FYB1: variants seen among roughly 807,000 people sequenced by gnomAD.
FYB1 encodes FYN binding protein 1, also known as FYN-binding protein 1.
In FYB1, 41 loss-of-function variants were observed where a neutral mutation model predicts 94.1. That is an observed-to-expected ratio of 0.44 (90% CI 0.34 to 0.57). FYB1 has a LOEUF of 0.57. FYB1 is among the 20% of genes least tolerant of loss of function. The pLI, the probability that FYB1 is intolerant of heterozygous loss-of-function variation, is 0.02. For synonymous variants in FYB1, 367 were observed against 353.2 expected (o/e 1.04, Z -0.44); for missense variants, 1,050 against 976.8 (o/e 1.07, Z -1.00).
chr5:39,209,021 C>T (rs973834647), intron 1 of FYB1: 1 of 148,280 alleles, frequency 6.7e-6, no homozygotes, highest in East Asian at 2.0e-4. Flanking sequence ...CATCCCTTCT[C>T]ATCACACACA....
chr5:39,224,898 G>A (rs924687129), intron 1 of FYB1, among the ~76,000 whole-genome samples: 2 of 152,228 alleles, frequency 1.3e-5, no homozygotes, highest in Non-Finnish European at 2.9e-5. Flanking sequence ...TAACATCAGA[G>A]ATTTTTCCAC....
chr5:39,127,443 T>C, intron 11 of FYB1, among the ~76,000 whole-genome samples: 1 of 132,772 alleles, frequency 7.5e-6, no homozygotes, highest in Admixed American at 7.6e-5. Context: ...AGAGTGAGAC[T>C]CTGTCTCAAA....
intron 2 of FYB1, among the ~76,000 whole-genome samples, chr5:39,174,276 A>G (rs1267009394): frequency 6.6e-6 from 1 of 152,136 alleles, no homozygotes; most frequent in Non-Finnish European, 1.5e-5. Flanking sequence ...TAAAAATGCT[A>G]CTGATTTCTG....
chr5:39,256,784 A>G (rs1454333555), intron 1 of FYB1, among the ~76,000 whole-genome samples: 1 of 152,228 alleles, frequency 6.6e-6, no homozygotes, highest in Non-Finnish European at 1.5e-5. Context: ...AAGTCCACCC[A>G]GCCTGAAATG....
chr5:39,224,315 G>A (rs929218726), upstream of FYB1, among the ~76,000 whole-genome samples: 1 of 152,094 alleles, frequency 6.6e-6, no homozygotes, highest in African/African-American at 2.4e-5. Flanking sequence ...CAGTCCTGAC[G>A]GTTTCCCTTA....
chr5:39,238,427 CCA>C (rs1410456216), intron 1 of FYB1, among the ~76,000 whole-genome samples: 1 of 151,870 alleles, frequency 6.6e-6, no homozygotes, highest in Non-Finnish European at 1.5e-5. Context: ...AAAAAATCCC[CCA>C]GTTATAACTT....
chr5:39,208,393 A>G (rs1749046622), intron 1 of FYB1, among the ~76,000 whole-genome samples: 1 of 152,224 alleles, frequency 6.6e-6, no homozygotes, highest in Non-Finnish European at 1.5e-5. Flanking sequence ...CAGTAAATGA[A>G]TAAAATAGTT....
chr5:39,170,120 T>A, intron 2 of FYB1: 1 of 814,244 alleles, frequency 1.2e-6, no homozygotes, highest in Non-Finnish European at 2.2e-6. Context: ...TTTCAAATGT[T>A]ATCAGTTGCT....
chr5:39,112,045 G>T (rs180990407), intron 16 of FYB1, among the ~76,000 whole-genome samples: 1 of 152,000 alleles, frequency 6.6e-6, no homozygotes, highest in Admixed American at 6.6e-5. Flanking sequence ...TTTAAAAAGG[G>T]ATAAGCTCAT....
intron 3 of FYB1, among the ~76,000 whole-genome samples, chr5:39,149,839 AG>A (rs571826007): frequency 5.3e-5 from 8 of 152,238 alleles, no homozygotes; most frequent in African/African-American, 1.7e-4. Context: ...CCCAGGCCTC[AG>A]AGAGTTACAG....
intron 2 of FYB1, among the ~76,000 whole-genome samples, chr5:39,182,335 GTGTGTGTGTGTA>G (rs1402561905): frequency 1.1e-4 from 8 of 74,542 alleles, no homozygotes; most frequent in South Asian, 5.1e-4. Flanking sequence ...GTGTGTGTGT[GTGTGTGTGTGTA>G]TGTGGTCAAG....
intron 1 of FYB1, among the ~76,000 whole-genome samples, chr5:39,243,998 T>C (rs1211443258): frequency 6.6e-6 from 1 of 152,204 alleles, no homozygotes; most frequent in Admixed American, 6.5e-5. Flanking sequence ...TTTTGTATCC[T>C]GAGACTTTGC....
intron 2 of FYB1, among the ~76,000 whole-genome samples, chr5:39,163,162 C>G (rs1041614556): frequency 6.6e-6 from 1 of 152,152 alleles, no homozygotes; most frequent in African/African-American, 2.4e-5. Flanking sequence ...GGAATTTTTC[C>G]TTGCCCTAAT....
intron 3 of FYB1, among the ~76,000 whole-genome samples, chr5:39,147,062 G>C (rs1317974235): frequency 2.0e-5 from 3 of 152,108 alleles, no homozygotes; most frequent in Non-Finnish European, 4.4e-5. Context: ...CTGAGCAGAA[G>C]GAGGGGGTGA....
At chr5:39,180,448 A>G (rs1022397140) in intron 2 of FYB1, among the ~76,000 whole-genome samples, 1 of 152,098 alleles carries the variant, frequency 6.6e-6, no homozygotes, top group African/African-American at 2.4e-5. Flanking sequence ...TTGTAACAGC[A>G]TATGTGATGA....
At position 39,261,269 on chromosome 5, in the gene FYB1, C is replaced by T. The variant is rs60013375; in HGVS notation, c.-28+13134G>A. On this transcript the variant is annotated intron_variant, in intron 1 of 1. Transcript: ENST00000510188. ...CATGTACCTATGTGACAAACCTGCA[C>T]GTTCTGCACATGTATCTCCGAACTT... Among the ~76,000 whole-genome samples, 116 of 146,736 alleles carry T rather than the reference C, an allele frequency of 7.9e-4. 1 individual carries two copies. The highest frequency in any genetic ancestry group is 3.6e-3 in the Middle Eastern group (1 of 280).
chr5:39,171,339 T>C (rs1745234596), intron 2 of FYB1, among the ~76,000 whole-genome samples: 1 of 152,076 alleles, frequency 6.6e-6, no homozygotes, highest in Non-Finnish European at 1.5e-5. Flanking sequence ...TCTTCTATTA[T>C]AGTATAGAAC....
chr5:39,221,472 G>A (rs906793033), upstream of FYB1, among the ~76,000 whole-genome samples: 1 of 152,212 alleles, frequency 6.6e-6, no homozygotes, highest in African/African-American at 2.4e-5. Context: ...GATAGACACT[G>A]TATAACTAAC....
chr5:39,129,632 TA>T (rs1741006475), intron 10 of FYB1, among the ~76,000 whole-genome samples: 1 of 151,756 alleles, frequency 6.6e-6, no homozygotes, highest in South Asian at 2.1e-4. Context: ...AACAATCCCA[TA>T]AAAAGGTGGG....
Sources: allele counts gnomAD v4.1 joint callset (sites outside exome capture counted in the v4.1 genomes callset), GRCh38; gene constraint gnomAD v4.1.1; transcripts MANE v1.5; gene names NCBI Gene and HGNC (gene_info 2026-07-23, HGNC 2026-07-21).